The following SAP30L variants were observed in gnomAD, a reference collection of about 807,000 sequenced individuals.
SAP30L encodes the protein SAP30 like.
A neutral mutation model predicts 22.3 loss-of-function variants in SAP30L; 10 were observed. The observed-to-expected ratio is 0.45, with a 90% CI of 0.28 to 0.76. The LOEUF (loss-of-function observed/expected upper bound fraction) is 0.76. Ranked by LOEUF, SAP30L falls within the 30% of genes least tolerant of loss-of-function variation. SAP30L has a pLI of 0.14. For synonymous variants in SAP30L, 91 were observed against 94.1 expected, an observed-to-expected ratio of 0.97 and a Z score of 0.19; for missense variants, 206 against 237.9, an observed-to-expected ratio of 0.87 and a Z score of 0.88.
In SAP30L at chr5:154,455,907, G is replaced by A; in HGVS notation, c.431G>A (p.Ser144Asn). The stretch of plus-strand genomic sequence containing the variant: ...TATTTTCCCCCCACATAGACTGTGA[G>A]TCGACACTTCAGGAACATACCTGTG... ...FNKAQLAETV[S>N]RHFRNIPVNE... The change falls in exon 4 of 4, where the codon AGT becomes AAT. Residue 144 changes from serine to asparagine, a missense_variant. By Grantham distance (46) the Ser-to-Asn change is conservative. Around this residue, in one of 2 missense-constraint regions of SAP30L, gnomAD observed 136 missense variants for 187.4 expected, o/e 0.73. Coordinates refer to ENST00000297109, the MANE Select transcript of SAP30L (RefSeq NM_024632.6). 1 of 1,611,360 alleles carries A rather than the reference G, an allele frequency of 6.2e-7. No homozygotes were observed. Among genetic ancestry groups the A allele is most frequent in the Non-Finnish European group, 8.5e-7 (1 of 1,179,250 alleles).
intron 2 of SAP30L, chr5:154,453,127 T>C (rs1757186427): frequency 3.1e-6 from 1 of 327,424 alleles, no homozygotes; most frequent in East Asian, 5.3e-5. Context: ...CCCTACCGTT[T>C]CTCAGTGCTT....
rs1757194450 is a variant in SAP30L, at chr5:154,453,423, G to C, written c.346G>C (p.Val116Leu). Residue 116 changes from valine to leucine, a missense_variant, in exon 3 of 4, where the codon GTG becomes CTG. This residue lies in a region of SAP30L where 136 missense variants were observed against 187.4 expected (regional missense o/e 0.73). Transcript: ENST00000297109. Reference protein sequence around the residue: ...IPEVDLFQLQVNTLRRYKRHY... With the variant: ...IPEVDLFQLQLNTLRRYKRHY... Reference sequence around the variant, plus strand: ...CTAGGTTGATCTGTTCCAGCTGCAGGTGAACACCCTACGACGTTATAAACG... The same window carrying C: ...CTAGGTTGATCTGTTCCAGCTGCAGCTGAACACCCTACGACGTTATAAACG... 1 of 1,613,994 alleles carries C rather than the reference G, an allele frequency of 6.2e-7. No individual in the cohort carries two copies. Among genetic ancestry groups the C allele is most frequent in the South Asian group, 1.1e-5 (1 of 91,078 alleles).
Position 154,455,980 on chromosome 5 carries a change from CAA to C in SAP30L, c.505_506del (p.Lys169GlufsTer2), listed in dbSNP as rs775824382. Reference sequence around the variant, plus strand: ...ACTTCATCTACATGGTGAAGAGTAACAAGAGTAGACTGGACCAGAAATCGGAG... The same window carrying C: ...ACTTCATCTACATGGTGAAGAGTAACGAGTAGACTGGACCAGAAATCGGAG... ...AYFIYMVKSN[K>X]SRLDQKSEGG... On this transcript the variant is annotated frameshift_variant, in exon 4 of 4. Transcript: ENST00000297109. LOFTEE classifies it high-confidence loss of function. 5.0e-6 allele frequency: 8 copies of C among 1,613,920 alleles called. No homozygotes were observed. Among genetic ancestry groups the C allele is most frequent in the Non-Finnish European group, 1.7e-6 (2 of 1,180,010 alleles).
chr5:154,455,302 C>T (rs533673832), intron 3 of SAP30L, among the ~76,000 whole-genome samples: 2 of 152,168 alleles, frequency 1.3e-5, no homozygotes, highest in African/African-American at 4.8e-5. Flanking sequence ...GCAGCTTCAA[C>T]CTCCTGGGCT....
In SAP30L at chr5:154,459,538, C is replaced by G. The variant is rs185767421; in HGVS notation, c.*3510C>G. On this transcript the variant is annotated 3_prime_UTR_variant, in exon 4 of 4. Coordinates refer to ENST00000297109, the MANE Select transcript of SAP30L (RefSeq NM_024632.6). ...AAGAAACAATGCTAGGACATGGACA[C>G]TTTGGTACACTGTCCTTACCCCTGA... The G allele has an allele frequency of 9.2e-5, 14 of 152,372 alleles. No individual in the cohort carries two copies. The East Asian group carries it at 2.5e-3, about 27-fold the overall frequency. The allele number at this position is 152,372 out of a possible 1,614,324, so 9.4% of individuals were successfully genotyped here. A position where few individuals can be genotyped will look rare whatever the true frequency, so the allele number is the denominator to read the frequency against.
chr5:154,455,302 C>A (rs533673832), intron 3 of SAP30L, among the ~76,000 whole-genome samples: 2 of 152,286 alleles, frequency 1.3e-5, no homozygotes, highest in African/African-American at 4.8e-5. Flanking sequence ...GCAGCTTCAA[C>A]CTCCTGGGCT....
At chr5:154,455,526 A>T (rs1757245949) in intron 3 of SAP30L, among the ~76,000 whole-genome samples, 1 of 152,130 alleles carries the variant, frequency 6.6e-6, no homozygotes, top group Admixed American at 6.5e-5. Flanking sequence ...TTTTAAAGAC[A>T]CATTTCTTCC....
chr5:154,455,839 T>C lies in SAP30L; in HGVS notation c.424-61T>C. Reference sequence around the variant, plus strand: ...ACTCCATTCGCTTCTTTGTACAATGTAGAATTTGCGGTGTGATTTGTGCAT... The same window carrying C: ...ACTCCATTCGCTTCTTTGTACAATGCAGAATTTGCGGTGTGATTTGTGCAT... On this transcript the variant is annotated intron_variant, in intron 3 of 3. Transcript: ENST00000297109. The C allele has an allele frequency of 3.9e-6, 6 of 1,544,760 alleles. No individual in the cohort carries two copies. The South Asian group carries it at 7.6e-5, about 19-fold the overall frequency.
Position 154,446,375 on chromosome 5 carries a change from G to T in SAP30L, c.-230G>T, listed in dbSNP as rs1181781896. 1.0e-5 allele frequency: 4 copies of T among 390,974 alleles called. No homozygotes were observed. The highest frequency in any genetic ancestry group is 1.8e-5 in the Non-Finnish European group (4 of 221,928). The allele number at this position is 390,974 out of a possible 1,614,324, so 24.2% of individuals were successfully genotyped here. A position where few individuals can be genotyped will look rare whatever the true frequency, so the allele number is the denominator to read the frequency against. The stretch of plus-strand genomic sequence containing the variant: ...CCCCCGGCGGGGCCCTGCGAGCCGC[G>T]GGAGCCGACCCCGGGGCCTCGAGCC... On this transcript the variant is annotated 5_prime_UTR_variant, in exon 1 of 4. Transcript: ENST00000297109.
intron 1 of SAP30L, among the ~76,000 whole-genome samples, chr5:154,447,969 CTTTTTTTTTT>C (rs140213326): frequency 5.7e-5 from 5 of 88,350 alleles, no homozygotes; most frequent in African/African-American, 9.7e-5. Context: ...TTTTCTTTTT[CTTTTTTTTTT>C]TTTTTTTTTT....
chr5:154,448,566 A>G (rs1229939122), intron 1 of SAP30L, among the ~76,000 whole-genome samples: 6 of 152,216 alleles, frequency 3.9e-5, no homozygotes, highest in Admixed American at 1.3e-4. Context: ...GGTTGTTAGA[A>G]GCTGCTTTAC....
Position 154,446,303 on chromosome 5 carries a change from T to C in SAP30L, c.-302T>C, listed in dbSNP as rs1756999431. ...GGGACGCCCTCCCGGACACCCCCGCTGCAGGGTTACGGTTCTGGGCCCCCG... is the reference window on the plus strand; with the variant it reads ...GGGACGCCCTCCCGGACACCCCCGCCGCAGGGTTACGGTTCTGGGCCCCCG... On this transcript the variant is annotated 5_prime_UTR_variant, in exon 1 of 4. Coordinates refer to ENST00000297109, the MANE Select transcript of SAP30L (RefSeq NM_024632.6). 1 of 305,610 alleles carries C rather than the reference T, an allele frequency of 3.3e-6. No individual in the cohort carries two copies. The allele number at this position is 305,610 out of a possible 1,614,324, so 18.9% of individuals were successfully genotyped here.
At position 154,446,339 on chromosome 5, in the gene SAP30L, C is replaced by T. The variant is rs1292913536; in HGVS notation, c.-266C>T. ...GGTTCTGGGCCCCCGGCAGAAGGCT[C>T]CTCCGGGTGACCCCCGGCGGGGCCC... is the stretch of plus-strand genomic sequence containing the variant. On this transcript the variant is annotated 5_prime_UTR_variant, in exon 1 of 4. Coordinates refer to ENST00000297109, the MANE Select transcript of SAP30L (RefSeq NM_024632.6). The T allele has an allele frequency of 1.6e-5, 6 of 367,056 alleles. No homozygotes were observed. Among genetic ancestry groups the T allele is most frequent in the Admixed American group, 1.4e-4 (3 of 21,140 alleles). 22.7% of individuals were successfully genotyped at this position (367,056 alleles called of 1,614,324 possible). A position where few individuals can be genotyped will look rare whatever the true frequency, so the allele number is the denominator to read the frequency against.
intron 1 of SAP30L, among the ~76,000 whole-genome samples, chr5:154,447,969 C>CTTT (rs140213326): frequency 1.2e-3 from 104 of 88,374 alleles, no homozygotes; most frequent in African/African-American, 2.3e-3. Context: ...TTTTCTTTTT[C>CTTT]TTTTTTTTTT....
chr5:154,453,784 T>C (rs1185592301), intron 3 of SAP30L, among the ~76,000 whole-genome samples: 1 of 152,242 alleles, frequency 6.6e-6, no homozygotes, highest in Non-Finnish European at 1.5e-5. Context: ...CTCCAGATTC[T>C]AAGTCCTGAG....
intron 2 of SAP30L, among the ~76,000 whole-genome samples, chr5:154,451,705 T>C (rs757030611): frequency 1.3e-5 from 2 of 152,190 alleles, no homozygotes; most frequent in Admixed American, 1.3e-4. Context: ...CAAGGATCCA[T>C]TTCAAAGTTG....
At chr5:154,446,950 C>G (rs2113264203) in intron 1 of SAP30L, 145 bp downstream of exon 1, 1 of 641,588 alleles carries the variant, frequency 1.6e-6, no homozygotes, top group East Asian at 3.0e-5. Flanking sequence ...CTCCGCATTT[C>G]AAAGGCCGCT....
intron 1 of SAP30L, among the ~76,000 whole-genome samples, chr5:154,450,857 C>G (rs1457430407): frequency 6.6e-6 from 1 of 152,212 alleles, no homozygotes; most frequent in Non-Finnish European, 1.5e-5. Flanking sequence ...GTACCATTTA[C>G]TGTCTTCACC....
At chr5:154,452,137 G>A (rs1480125085) in intron 2 of SAP30L, among the ~76,000 whole-genome samples, 1 of 152,094 alleles carries the variant, frequency 6.6e-6, no homozygotes, top group Non-Finnish European at 1.5e-5. Context: ...TATTTCATAA[G>A]GCAACCGCCT....
Sources: allele counts gnomAD v4.1 joint callset (sites outside exome capture counted in the v4.1 genomes callset), GRCh38; gene constraint gnomAD v4.1.1; regional missense constraint gnomAD v4.1.1; transcripts MANE v1.5; gene names NCBI Gene and HGNC (gene_info 2026-07-23, HGNC 2026-07-21).